The following SOBP variants were observed in gnomAD, a reference collection of about 807,000 sequenced individuals.
The protein encoded by SOBP is sine oculis binding protein homolog.
In SOBP, 4 loss-of-function variants were observed where a neutral mutation model predicts 53.6. The observed-to-expected ratio is 0.07, with a 90% confidence interval of 0.04 to 0.17. SOBP has a LOEUF of 0.17. Among genes scored for constraint, SOBP ranks in the 10% least tolerant of loss-of-function variants. The pLI is 1.00. For missense variants in SOBP, 1,088 were observed against 1,204.7 expected, an observed-to-expected ratio of 0.90 and a Z score of 1.43; for synonymous variants, 584 against 522.6, an observed-to-expected ratio of 1.12 and a Z score of -1.60.
chr6:107,568,930 G>A (rs1479345573), intron 4 of SOBP, among the ~76,000 whole-genome samples: 2 of 151,818 alleles, frequency 1.3e-5, no homozygotes, highest in Admixed American at 6.6e-5. Flanking sequence ...TTTTATTAAC[G>A]TATATAAGGC....
chr6:107,659,532 T>TAA lies in SOBP; in HGVS notation c.*1342_*1343dup, dbSNP rs5878928. The TAA allele has an allele frequency of 0.043, 6,224 of 145,604 alleles. 305 individuals are homozygous for TAA. Among genetic ancestry groups the TAA allele is most frequent in the Admixed American group, 0.14 (2,003 of 14,764 alleles). The allele number at this position is 145,604 out of a possible 1,614,324, so 9.0% of individuals were successfully genotyped here. A position where few individuals can be genotyped will look rare whatever the true frequency, so the allele number is the denominator to read the frequency against. On this transcript the variant is annotated 3_prime_UTR_variant, in exon 7 of 7. Coordinates refer to ENST00000317357, the MANE Select transcript of SOBP (RefSeq NM_018013.4). ...AAAAAAATCAAAAAAGGAAGAAAAC[T>TAA]AAAAAAAAAAAAAATCAAATCACCT...
At chr6:107,655,343 C>A (rs1771987620) in intron 6 of SOBP, among the ~76,000 whole-genome samples, 1 of 152,100 alleles carries the variant, frequency 6.6e-6, no homozygotes. Flanking sequence ...GTGTCACCAA[C>A]AAGGGGGCTG....
At chr6:107,532,399 C>T (rs1393423125) in intron 3 of SOBP, among the ~76,000 whole-genome samples, 1 of 151,832 alleles carries the variant, frequency 6.6e-6, no homozygotes, top group East Asian at 1.9e-4. Flanking sequence ...TTTTATTCAC[C>T]CCCACCCACC....
At chr6:107,604,634 G>A (rs1229951824) in intron 5 of SOBP, among the ~76,000 whole-genome samples, 1 of 151,852 alleles carries the variant, frequency 6.6e-6, no homozygotes, top group African/African-American at 2.4e-5. Context: ...CTCTTTGGAA[G>A]CTAAGAAGGT....
At chr6:107,513,840 A>G (rs532671031) in intron 3 of SOBP, 2 of 152,732 alleles carry the variant, frequency 1.3e-5, no homozygotes, top group South Asian at 4.1e-4. Context: ...GTACTTAATA[A>G]TGTAATGATA....
intron 5 of SOBP, among the ~76,000 whole-genome samples, chr6:107,609,629 G>T (rs1458089308): frequency 6.6e-6 from 1 of 152,188 alleles, no homozygotes; most frequent in East Asian, 1.9e-4. Context: ...GATCTTGAGG[G>T]TCTTTCAGGC....
In SOBP at chr6:107,490,500, G is replaced by A; in HGVS notation, c.-117G>A. On this transcript the variant is annotated 5_prime_UTR_variant, in exon 1 of 7. Transcript: ENST00000317357. ...GGCTCGGTCCGGCCCCGCCAGCACC[G>A]CTACCTCCGCCAGCCTCGCCACCAT... 3 of 743,830 alleles carry A rather than the reference G, an allele frequency of 4.0e-6. No individual in the cohort carries two copies. Among genetic ancestry groups the A allele is most frequent in the Non-Finnish European group, 4.7e-6 (2 of 429,278 alleles). 46.1% of individuals were successfully genotyped at this position (743,830 alleles called of 1,614,324 possible).
At chr6:107,594,268 A>G (rs1785861873) in intron 5 of SOBP, among the ~76,000 whole-genome samples, 1 of 152,180 alleles carries the variant, frequency 6.6e-6, no homozygotes, top group Non-Finnish European at 1.5e-5. Context: ...AGTATTTGGT[A>G]AACAACTGGC....
chr6:107,611,601 G>C (rs191243203), intron 5 of SOBP, among the ~76,000 whole-genome samples: 1 of 152,140 alleles, frequency 6.6e-6, no homozygotes, highest in Non-Finnish European at 1.5e-5. Flanking sequence ...GTGCTGTGTG[G>C]CCGGGCCAGC....
At chr6:107,519,871 G>A (rs1783429227) in intron 3 of SOBP, among the ~76,000 whole-genome samples, 1 of 152,104 alleles carries the variant, frequency 6.6e-6, no homozygotes, top group African/African-American at 2.4e-5. Context: ...GCCCATTAAA[G>A]CACCTACATG....
intron 4 of SOBP, among the ~76,000 whole-genome samples, chr6:107,535,511 C>T (rs1783966842): frequency 6.6e-6 from 1 of 152,084 alleles, no homozygotes; most frequent in Non-Finnish European, 1.5e-5. Context: ...AGTGACTTTG[C>T]CAGCTGATCC....
intron 4 of SOBP, among the ~76,000 whole-genome samples, chr6:107,566,886 G>C (rs1168621249): frequency 6.6e-6 from 1 of 152,164 alleles, no homozygotes; most frequent in Non-Finnish European, 1.5e-5. Context: ...TGGGTCATGT[G>C]CCCAACCTTG....
At chr6:107,573,165 G>A (rs79704625) in intron 4 of SOBP, among the ~76,000 whole-genome samples, 504 of 152,262 alleles carry the variant, frequency 3.3e-3, no homozygotes, top group African/African-American at 0.012. Context: ...ATTGTGTAGA[G>A]GGTTAGGATC....
intron 6 of SOBP, among the ~76,000 whole-genome samples, chr6:107,642,094 G>T (rs1055817037): frequency 6.6e-6 from 1 of 152,216 alleles, no homozygotes; most frequent in Non-Finnish European, 1.5e-5. Flanking sequence ...GAGAAAGAAA[G>T]AAATTAGCTT....
chr6:107,567,202 G>C (rs1326071923), intron 4 of SOBP, among the ~76,000 whole-genome samples: 1 of 152,192 alleles, frequency 6.6e-6, no homozygotes, highest in Non-Finnish European at 1.5e-5. Flanking sequence ...AAGTAGAAAA[G>C]AAATAGCAGG....
chr6:107,560,799 C>A (rs1784752486), intron 4 of SOBP, among the ~76,000 whole-genome samples: 1 of 152,084 alleles, frequency 6.6e-6, no homozygotes, highest in Admixed American at 6.5e-5. Context: ...GGTGGGTATA[C>A]ATGGCCATGT....
intron 4 of SOBP, among the ~76,000 whole-genome samples, chr6:107,569,783 G>A (rs1300134314): frequency 1.3e-5 from 2 of 152,214 alleles, no homozygotes; most frequent in Non-Finnish European, 2.9e-5. Context: ...AAAATTGCCA[G>A]GAGCACATGA....
intron 1 of SOBP, 40 bp from the exon 2 acceptor site, chr6:107,503,617 T>G: frequency 6.2e-7 from 1 of 1,610,014 alleles, no homozygotes; most frequent in Non-Finnish European, 8.5e-7. Context: ...AAGTAGTTAT[T>G]GATTATAGAA....
intron 5 of SOBP, among the ~76,000 whole-genome samples, chr6:107,627,040 G>T (rs1770491656): frequency 6.6e-6 from 1 of 152,190 alleles, no homozygotes; most frequent in Non-Finnish European, 1.5e-5. Context: ...CAGGCATTTG[G>T]TACCAGGCAG....
Sources: allele counts gnomAD v4.1 joint callset (sites outside exome capture counted in the v4.1 genomes callset), GRCh38; gene constraint gnomAD v4.1.1; transcripts MANE v1.5; gene names NCBI Gene and HGNC (gene_info 2026-07-23, HGNC 2026-07-21).